OSBPL9: variants seen among roughly 807,000 people sequenced by gnomAD.
The protein encoded by OSBPL9 is oxysterol binding protein like 9.
A neutral mutation model predicts 106.6 loss-of-function variants in OSBPL9; 40 were observed. The ratio of observed to expected loss-of-function variants is 0.38; its 90% confidence interval spans 0.29 to 0.49. OSBPL9 has a LOEUF of 0.49. OSBPL9 is among the 20% of genes least tolerant of loss of function. OSBPL9 has a pLI of 0.97. For synonymous variants in OSBPL9, 269 were observed against 295.4 expected (o/e 0.91, Z 0.92); for missense variants, 609 against 887.2 (o/e 0.69, Z 3.98).
chr1:51,704,589 G>T (rs1658026139), intron 3 of OSBPL9, among the ~76,000 whole-genome samples: 1 of 152,166 alleles, frequency 6.6e-6, no homozygotes. Flanking sequence ...CAGTTCTGGA[G>T]GCTGGAAGTT....
intron 4 of OSBPL9, among the ~76,000 whole-genome samples, chr1:51,738,162 TTAGTTGTA>T (rs1474247443): frequency 1.2e-4 from 18 of 152,058 alleles, no homozygotes; most frequent in Admixed American, 9.2e-4. Flanking sequence ...CCTTTATTGT[TTAGTTGTA>T]TAAGTAACCA....
At chr1:51,584,152 G>A (rs886583522) in intron 1 of OSBPL9, among the ~76,000 whole-genome samples, 3 of 152,030 alleles carry the variant, frequency 2.0e-5, no homozygotes, top group South Asian at 2.1e-4. Context: ...CACTGTGCCC[G>A]GTTTCTGCAT....
intron 3 of OSBPL9, among the ~76,000 whole-genome samples, chr1:51,701,065 A>G (rs1657123015): frequency 6.6e-6 from 1 of 151,646 alleles, no homozygotes; most frequent in Non-Finnish European, 1.5e-5. Context: ...TCAGCCTCCC[A>G]AGTAGCTGAG....
intron 1 of OSBPL9, among the ~76,000 whole-genome samples, chr1:51,589,099 T>C (rs1467360253): frequency 6.6e-6 from 1 of 151,932 alleles, no homozygotes; most frequent in East Asian, 1.9e-4. Context: ...TCTTTTCTTT[T>C]TTTTTTTAAG....
At chr1:51,704,339 A>G (rs1571195440) in intron 3 of OSBPL9, among the ~76,000 whole-genome samples, 1 of 152,194 alleles carries the variant, frequency 6.6e-6, no homozygotes, top group South Asian at 2.1e-4. Flanking sequence ...GTCTATTCAG[A>G]GATTCAACTT....
chr1:51,557,255 C>T, the OSBPL9 span, among the ~76,000 whole-genome samples: 1 of 152,134 alleles, frequency 6.6e-6, no homozygotes, highest in Admixed American at 6.5e-5. Flanking sequence ...GATAAAATAG[C>T]CACTTTGAAT....
At chr1:51,698,787 G>A (rs1656632713) in intron 3 of OSBPL9, among the ~76,000 whole-genome samples, 1 of 152,206 alleles carries the variant, frequency 6.6e-6, no homozygotes, top group South Asian at 2.1e-4. Context: ...GATTCACTCA[G>A]AATTAGTATA....
chr1:51,592,920 G>A (rs1007836000), intron 1 of OSBPL9, among the ~76,000 whole-genome samples: 1 of 152,154 alleles, frequency 6.6e-6, no homozygotes, highest in African/African-American at 2.4e-5. Context: ...AAAGCCAGCT[G>A]GGGCAGGGAA....
At chr1:51,609,657 C>T (rs780517744) in intron 2 of OSBPL9, among the ~76,000 whole-genome samples, 13 of 151,348 alleles carry the variant, frequency 8.6e-5, no homozygotes, top group Admixed American at 1.3e-4. Context: ...GGCCAGCTAC[C>T]GCCTATGGAT....
At chr1:51,720,792 A>ATTTTTT (rs34137715) in intron 4 of OSBPL9, among the ~76,000 whole-genome samples, 16 of 101,116 alleles carry the variant, frequency 1.6e-4, no homozygotes, top group Admixed American at 3.2e-4. Context: ...TCAAATTGGA[A>ATTTTTT]TTTTTTTTTT....
intron 16 of OSBPL9, 128 bp from the exon 17 acceptor site, chr1:51,782,431 C>T: frequency 1.6e-6 from 1 of 635,208 alleles, no homozygotes; most frequent in Non-Finnish European, 2.6e-6. Flanking sequence ...TAGTTAAGTT[C>T]TACAATAGAA....
chr1:51,524,086 C>T, the OSBPL9 span, among the ~76,000 whole-genome samples: 1 of 152,206 alleles, frequency 6.6e-6, no homozygotes, highest in Non-Finnish European at 1.5e-5. Flanking sequence ...TGCTTCTAAG[C>T]TGCTGGTTTC....
intron 2 of OSBPL9, among the ~76,000 whole-genome samples, chr1:51,598,992 C>CAAAAA (rs986127011): frequency 6.0e-5 from 4 of 66,904 alleles, no homozygotes; most frequent in Non-Finnish European, 9.6e-5. Flanking sequence ...GACTCTGTCT[C>CAAAAA]AAAAAAAAAA....
chr1:51,738,341 A>G (rs934855352), intron 4 of OSBPL9, among the ~76,000 whole-genome samples: 10 of 152,060 alleles, frequency 6.6e-5, no homozygotes, highest in African/African-American at 2.4e-4. Context: ...TTTTAGCTGT[A>G]CCAGATTTAT....
chr1:51,781,473 A>G, intron 16 of OSBPL9, 138 bp downstream of exon 16: 1 of 839,388 alleles, frequency 1.2e-6, no homozygotes, highest in Non-Finnish European at 1.8e-6. Flanking sequence ...TTAGAGCAGC[A>G]TAGTTTGAAT....
At chr1:51,648,849 G>T (rs968134414) in intron 1 of OSBPL9, among the ~76,000 whole-genome samples, 24 of 152,160 alleles carry the variant, frequency 1.6e-4, no homozygotes, top group African/African-American at 5.8e-4. Context: ...TTACATAAGG[G>T]GCAGCAATGA....
chr1:51,680,585 C>T (rs1208796601), intron 3 of OSBPL9, among the ~76,000 whole-genome samples: 2 of 151,676 alleles, frequency 1.3e-5, no homozygotes, highest in African/African-American at 2.4e-5. Context: ...CACTTGAACT[C>T]GGGGGGCGGA....
intron 1 of OSBPL9, among the ~76,000 whole-genome samples, chr1:51,579,835 A>G (rs1482902185): frequency 1.4e-5 from 2 of 141,108 alleles, no homozygotes; most frequent in African/African-American, 2.8e-5. Flanking sequence ...AGCCTGGGCG[A>G]CAGAGTGAGA....
intron 15 of OSBPL9, among the ~76,000 whole-genome samples, chr1:51,780,803 G>A (rs1204593088): frequency 6.6e-6 from 1 of 152,140 alleles, no homozygotes; most frequent in Non-Finnish European, 1.5e-5. Flanking sequence ...GGGGCTTCAA[G>A]GGGAAGGGTG....
Sources: allele counts gnomAD v4.1 joint callset (sites outside exome capture counted in the v4.1 genomes callset), GRCh38; gene constraint gnomAD v4.1.1; transcripts MANE v1.5; gene names NCBI Gene and HGNC (gene_info 2026-07-23, HGNC 2026-07-21).